The following SLC13A3 variants were observed in gnomAD, a reference collection of about 807,000 sequenced individuals.
SLC13A3 encodes the protein Na(+)/dicarboxylate cotransporter 3.
A neutral mutation model predicts 59.0 loss-of-function variants in SLC13A3; 40 were observed. The observed-to-expected ratio is 0.68, with a 90% CI of 0.53 to 0.88. SLC13A3 has a LOEUF of 0.88. SLC13A3 is among the 40% of genes least tolerant of loss of function. The pLI is 0.00. For synonymous variants in SLC13A3, 317 were observed against 330.3 expected, an observed-to-expected ratio of 0.96 and a Z score of 0.44; for missense variants, 699 against 783.2, an observed-to-expected ratio of 0.89 and a Z score of 1.28.
intron 1 of SLC13A3, among the ~76,000 whole-genome samples, chr20:46,660,794 T>A (rs2063025139): frequency 6.6e-6 from 1 of 152,176 alleles, no homozygotes; most frequent in African/African-American, 2.4e-5. Context: ...TTTGGTATCA[T>A]CTTACAAATT....
At chr20:46,562,310 T>C (rs1365094257) in intron 12 of SLC13A3, among the ~76,000 whole-genome samples, 1 of 152,216 alleles carries the variant, frequency 6.6e-6, no homozygotes, top group Non-Finnish European at 1.5e-5. Context: ...CCAACTCCAC[T>C]GCAGCCACCC....
At chr20:46,635,667 G>A (rs2062788712) in intron 1 of SLC13A3, among the ~76,000 whole-genome samples, 1 of 152,160 alleles carries the variant, frequency 6.6e-6, no homozygotes, top group South Asian at 2.1e-4. Context: ...TCTTGAACAG[G>A]AGCTGGGGAG....
At chr20:46,673,496 T>C (rs56104388), upstream of SLC13A3, among the ~76,000 whole-genome samples, 1,472 of 152,272 alleles carry the variant, frequency 9.7e-3, 15 homozygotes, top group Non-Finnish European at 0.011. Flanking sequence ...TTACAAATGC[T>C]CAGTCTGCCT....
chr20:46,577,876 A>C (rs754147360), intron 9 of SLC13A3, among the ~76,000 whole-genome samples: 1 of 152,260 alleles, frequency 6.6e-6, no homozygotes, highest in Non-Finnish European at 1.5e-5. Context: ...CCTCTTCTGC[A>C]AAATGGGCTA....
chr20:46,571,337 C>T (rs753848919), intron 10 of SLC13A3, among the ~76,000 whole-genome samples: 3 of 152,166 alleles, frequency 2.0e-5, no homozygotes, highest in African/African-American at 4.8e-5. Context: ...CTCCTTACCT[C>T]TATCACCGCA....
At chr20:46,619,385 T>C (rs1202700005) in intron 1 of SLC13A3, among the ~76,000 whole-genome samples, 1 of 152,238 alleles carries the variant, frequency 6.6e-6, no homozygotes, top group Admixed American at 6.5e-5. Flanking sequence ...AGGTCTCTCC[T>C]CTCCATCTGC....
chr20:46,658,183 T>C (rs1028334088), intron 1 of SLC13A3, among the ~76,000 whole-genome samples: 1 of 151,788 alleles, frequency 6.6e-6, no homozygotes, highest in Non-Finnish European at 1.5e-5. Context: ...GGAATACTGA[T>C]ACATGCAACA....
intron 1 of SLC13A3, among the ~76,000 whole-genome samples, chr20:46,630,479 C>T (rs993168922): frequency 6.6e-5 from 10 of 152,232 alleles, no homozygotes; most frequent in Non-Finnish European, 1.2e-4. Flanking sequence ...GAAGCATGCG[C>T]CACTCTTGAT....
chr20:46,609,140 A>G, intron 3 of SLC13A3: 1 of 1,471,084 alleles, frequency 6.8e-7, no homozygotes, highest in Non-Finnish European at 9.0e-7. Flanking sequence ...TCTTCCTTTT[A>G]AAATACAGTT....
intron 1 of SLC13A3, among the ~76,000 whole-genome samples, chr20:46,634,627 C>T (rs1275268360): frequency 2.0e-5 from 3 of 152,008 alleles, no homozygotes; most frequent in Non-Finnish European, 4.4e-5. Context: ...TAAAAACGTT[C>T]CTGCGGTGGC....
chr20:46,652,495 G>C (rs1426494234), upstream of SLC13A3, among the ~76,000 whole-genome samples: 2 of 151,424 alleles, frequency 1.3e-5, no homozygotes, highest in Non-Finnish European at 2.9e-5. Context: ...CCGGGTTCAA[G>C]CAATTCTTCT....
At chr20:46,631,524 C>T (rs901716865) in intron 1 of SLC13A3, among the ~76,000 whole-genome samples, 27 of 152,074 alleles carry the variant, frequency 1.8e-4, no homozygotes, top group African/African-American at 6.5e-4. Flanking sequence ...GCCATGTGGG[C>T]GAGGCTCACG....
chr20:46,600,703 C>A, intron 3 of SLC13A3: 1 of 363,276 alleles, frequency 2.8e-6, no homozygotes, highest in East Asian at 8.0e-5. Flanking sequence ...ATTTATTGAG[C>A]ACCTACTATG....
intron 1 of SLC13A3, chr20:46,681,704 T>C (rs1336533839): frequency 2.6e-5 from 4 of 152,220 alleles, no homozygotes; most frequent in Non-Finnish European, 5.9e-5. Context: ...AGTTTATTTC[T>C]TACTGTTATG....
At chr20:46,580,099 G>T (rs1055250597) in intron 9 of SLC13A3, among the ~76,000 whole-genome samples, 3 of 152,134 alleles carry the variant, frequency 2.0e-5, no homozygotes, top group Admixed American at 2.0e-4. Flanking sequence ...GGGGTTACAG[G>T]TATGTGCCAC....
chr20:46,622,983 A>T (rs566737853), intron 1 of SLC13A3, among the ~76,000 whole-genome samples: 6 of 152,326 alleles, frequency 3.9e-5, no homozygotes, highest in African/African-American at 1.4e-4. Context: ...CCTCCCCACG[A>T]AAAAGCTCCA....
chr20:46,646,933 C>T (rs961086381), intron 1 of SLC13A3, among the ~76,000 whole-genome samples: 18 of 152,122 alleles, frequency 1.2e-4, no homozygotes, highest in African/African-American at 4.3e-4. Context: ...AATGAAAGGA[C>T]CATCTTCCTG....
intron 1 of SLC13A3, among the ~76,000 whole-genome samples, chr20:46,643,897 G>A (rs1175073877): frequency 6.6e-6 from 1 of 152,050 alleles, no homozygotes; most frequent in East Asian, 1.9e-4. Flanking sequence ...AATTAGCCAG[G>A]CGTGGTGACG....
At chr20:46,621,848 A>G (rs2062618573) in intron 1 of SLC13A3, among the ~76,000 whole-genome samples, 2 of 152,266 alleles carry the variant, frequency 1.3e-5, no homozygotes. Context: ...GTACACTGAA[A>G]GTGCTAACAA....
Sources: gnomAD v4.1 joint callset for allele counts (sites outside exome capture counted in the v4.1 genomes callset) on GRCh38, gnomAD v4.1.1 for gene constraint, MANE v1.5 for transcripts, NCBI Gene and HGNC (gene_info 2026-07-23, HGNC 2026-07-21) for gene names.